NRXN3: variants seen among roughly 807,000 people sequenced by gnomAD.
The protein encoded by NRXN3 is neurexin III.
A neutral mutation model predicts 137.6 loss-of-function variants in NRXN3; 32 were observed. The ratio of observed to expected loss-of-function variants is 0.23; its 90% CI spans 0.18 to 0.31. The LOEUF is 0.31. NRXN3 is among the 10% of genes least tolerant of loss of function. NRXN3 has a pLI of 1.00. For missense variants in NRXN3, 1,574 were observed against 2,062.5 expected (o/e 0.76, Z 4.59); for synonymous variants, 798 against 784.5 (o/e 1.02, Z -0.29).
intron 10 of NRXN3, among the ~76,000 whole-genome samples, chr14:78,836,712 T>C (rs1385345366): frequency 6.6e-6 from 1 of 152,232 alleles, no homozygotes; most frequent in East Asian, 1.9e-4. Flanking sequence ...CATGTAATTG[T>C]TATTTTCATT....
intron 4 of NRXN3, among the ~76,000 whole-genome samples, chr14:78,600,106 A>G (rs1410022948): frequency 6.6e-6 from 1 of 152,152 alleles, no homozygotes; most frequent in Non-Finnish European, 1.5e-5. Flanking sequence ...GGGCAGAGGG[A>G]CACATTCATT....
intron 15 of NRXN3, among the ~76,000 whole-genome samples, chr14:79,435,808 A>G (rs2095838507): frequency 6.6e-6 from 1 of 151,852 alleles, no homozygotes; most frequent in Admixed American, 6.6e-5. Flanking sequence ...CTGATTTTTA[A>G]TTTTTTGTAG....
chr14:78,676,182 C>T (rs10145912), intron 6 of NRXN3, among the ~76,000 whole-genome samples: 3,215 of 152,108 alleles, frequency 0.021, 117 homozygotes, highest in African/African-American at 0.073. Context: ...GCACATTTCT[C>T]GCTTTAAATC....
At chr14:79,805,993 A>C (rs2099203546) in intron 20 of NRXN3, among the ~76,000 whole-genome samples, 1 of 152,140 alleles carries the variant, frequency 6.6e-6, no homozygotes, top group Admixed American at 6.5e-5. Flanking sequence ...GCAGTCCCTG[A>C]TTATTTCCTA....
intron 15 of NRXN3, among the ~76,000 whole-genome samples, chr14:79,218,194 G>GT (rs1240361613): frequency 6.6e-6 from 1 of 152,136 alleles, no homozygotes; most frequent in Non-Finnish European, 1.5e-5. Context: ...ACCCGAAAGC[G>GT]TTTGAAACAT....
rs191191580 is a variant in NRXN3, at chr14:78,244,141, G to T, written c.709+339G>T. ...GGGCAAGAAATCAGATAGAAATTGG[G>T]AATTTCGGCTAGGCAAGGTGGCTCA... On this transcript the variant is annotated intron_variant, in intron 2 of 20. Coordinates refer to ENST00000335750, the MANE Select transcript of NRXN3 (RefSeq NM_001330195.2). Among the ~76,000 whole-genome samples the T allele has an allele frequency of 2.6e-4, 39 of 152,222 alleles. No homozygotes were observed. In the East Asian group the frequency reaches 6.8e-3, roughly 27 times the overall value.
At chr14:78,772,030 G>A (rs2098729923) in intron 8 of NRXN3, among the ~76,000 whole-genome samples, 1 of 152,088 alleles carries the variant, frequency 6.6e-6, no homozygotes. Context: ...TACATAGCTG[G>A]AAGGTAATTT....
intron 6 of NRXN3, among the ~76,000 whole-genome samples, chr14:78,689,660 A>C (rs530386774): frequency 2.0e-4 from 31 of 152,320 alleles, no homozygotes; most frequent in African/African-American, 7.5e-4. Context: ...TAGTATAGGA[A>C]TATAGTACAG....
rs79727370 is a variant in NRXN3, at chr14:79,849,821, C to T, written c.4094-11521C>T. On this transcript the variant is annotated intron_variant, in intron 20 of 20. Coordinates refer to ENST00000335750, the MANE Select transcript of NRXN3 (RefSeq NM_001330195.2). ...GCACTCCATGTTCATTGCAGCATTA[C>T]TGTACCGCATTATGAAATGGGTTCC... 5.6e-3 allele frequency among the ~76,000 whole-genome samples: 856 copies of T among 152,306 alleles called. 6 individuals are homozygous for T. Among genetic ancestry groups the T allele is most frequent in the African/African-American group, 0.02 (819 of 41,556 alleles).
intron 4 of NRXN3, among the ~76,000 whole-genome samples, chr14:78,498,230 A>G (rs1599501021): frequency 6.6e-6 from 1 of 152,340 alleles, no homozygotes; most frequent in Middle Eastern, 3.4e-3. Context: ...TCACTGGTGC[A>G]GTGAGCCAGG....
chr14:79,210,685 A>C (rs1163294708), intron 15 of NRXN3, among the ~76,000 whole-genome samples: 1 of 152,168 alleles, frequency 6.6e-6, no homozygotes, highest in African/African-American at 2.4e-5. Flanking sequence ...GGTTTTAATA[A>C]ACGTTCCTGA....
chr14:78,944,868 T>A (rs1158648542), intron 10 of NRXN3, among the ~76,000 whole-genome samples: 1 of 152,206 alleles, frequency 6.6e-6, no homozygotes, highest in East Asian at 1.9e-4. Flanking sequence ...AAATGCCACT[T>A]CATAGTATCC....
chr14:78,186,494 A>C (rs771223263), intron 1 of NRXN3, among the ~76,000 whole-genome samples: 1 of 152,208 alleles, frequency 6.6e-6, no homozygotes, highest in Admixed American at 6.5e-5. Context: ...TTCCTCAGGG[A>C]TCTGATGTCT....
chr14:79,056,757 G>A (rs895288390), intron 15 of NRXN3, among the ~76,000 whole-genome samples: 8 of 152,146 alleles, frequency 5.3e-5, no homozygotes, highest in Admixed American at 3.3e-4. Flanking sequence ...TGAAGAATAA[G>A]CAAGTAATAC....
intron 15 of NRXN3, among the ~76,000 whole-genome samples, chr14:79,346,137 C>T (rs1350897174): frequency 6.6e-6 from 1 of 152,042 alleles, no homozygotes; most frequent in Non-Finnish European, 1.5e-5. Flanking sequence ...TAAAACACAG[C>T]GGCTGGGCAC....
chr14:78,626,136 C>T (rs1314061946), intron 4 of NRXN3, among the ~76,000 whole-genome samples: 1 of 152,184 alleles, frequency 6.6e-6, no homozygotes, highest in Non-Finnish European at 1.5e-5. Context: ...TTGCAGCATC[C>T]AATCTGGGGA....
intron 15 of NRXN3, among the ~76,000 whole-genome samples, chr14:79,179,301 A>G (rs1436603306): frequency 1.3e-5 from 2 of 152,232 alleles, no homozygotes; most frequent in Non-Finnish European, 2.9e-5. Context: ...TACTTGACCA[A>G]GAACCAAGAT....
chr14:78,693,740 T>C (rs2098197143), intron 6 of NRXN3, among the ~76,000 whole-genome samples: 1 of 149,318 alleles, frequency 6.7e-6, no homozygotes, highest in Non-Finnish European at 1.5e-5. Flanking sequence ...GTTCATTCCC[T>C]ATGTGACCAC....
chr14:79,374,378 C>T (rs551146070), intron 15 of NRXN3, among the ~76,000 whole-genome samples: 2 of 151,968 alleles, frequency 1.3e-5, no homozygotes, highest in Admixed American at 1.3e-4. Context: ...GCACAACTGA[C>T]CAGCATTAAC....
Sources: allele counts gnomAD v4.1 joint callset (sites outside exome capture counted in the v4.1 genomes callset), GRCh38; gene constraint gnomAD v4.1.1; transcripts MANE v1.5; gene names NCBI Gene and HGNC (gene_info 2026-07-23, HGNC 2026-07-21).